Variants in PTPRA observed in about 807,000 individuals in gnomAD.
PTPRA encodes protein tyrosine phosphatase receptor type A.
PTPRA carries 25 observed loss-of-function variants against 104.8 expected under a neutral mutation model. The ratio of observed to expected loss-of-function variants is 0.24; its 90% CI spans 0.17 to 0.33. The LOEUF (loss-of-function observed/expected upper bound fraction) is 0.33, where lower values mean the gene tolerates loss of function less well. Among genes scored for constraint, PTPRA ranks in the 10% least tolerant of loss-of-function variants. The pLI is 1.00. For synonymous variants in PTPRA, 323 were observed against 368.9 expected (o/e 0.88, Z 1.43); for missense variants, 765 against 1,015.3 (o/e 0.75, Z 3.35).
At chr20:2,872,587 A>C (rs563420410), upstream of PTPRA, among the ~76,000 whole-genome samples, 1 of 152,294 alleles carries the variant, frequency 6.6e-6, no homozygotes, top group East Asian at 1.9e-4. The surrounding 1 kb of genome is among the most constrained non-coding windows in gnomAD (Gnocchi z 7.9). Context: ...GCCACCACCT[A>C]TCTCGACTGC....
intron 1 of PTPRA, among the ~76,000 whole-genome samples, chr20:2,917,641 GTT>G (rs1253777568): frequency 6.6e-6 from 1 of 152,144 alleles, no homozygotes; most frequent in African/African-American, 2.4e-5. Context: ...TAGCTGGAGA[GTT>G]TTAATAATTT....
chr20:2,955,608 G>C (rs1381221085), intron 3 of PTPRA: 1 of 984,250 alleles, frequency 1.0e-6, no homozygotes, highest in Non-Finnish European at 1.2e-6. Context: ...TGGTGTTCTA[G>C]GACTTCTTCA....
intron 9 of PTPRA, among the ~76,000 whole-genome samples, chr20:2,996,167 G>T (rs570138441): frequency 1.3e-5 from 2 of 152,338 alleles, no homozygotes; most frequent in African/African-American, 4.8e-5. Flanking sequence ...AAAACAAACA[G>T]AACTATTGAT....
At chr20:2,987,836 T>TA (rs2062971467) in intron 7 of PTPRA, 196 bp from the exon 8 acceptor site, 2 of 713,462 alleles carry the variant, frequency 2.8e-6, no homozygotes, top group Non-Finnish European at 5.2e-6. Context: ...GTGCCAAGGG[T>TA]AAACAGGAGT....
In PTPRA at chr20:2,884,812, GTTT is replaced by G. The variant is rs34457101; in HGVS notation, c.-129+11065_-129+11067del. Among the ~76,000 whole-genome samples, 448 of 127,012 alleles carry G rather than the reference GTTT, an allele frequency of 3.5e-3. 8 individuals carry two copies. In the East Asian group the frequency reaches 0.061, roughly 17 times the overall value. 83.3% of individuals were successfully genotyped at this position (127,012 alleles called of 152,430 possible). The stretch of plus-strand genomic sequence containing the variant: ...CTCTCTGGTTTTTTTTGTTTTTTTT[GTTT>G]TTTTTTTTTTTTGAGACGGAGTCTC... On this transcript the variant is annotated intron_variant, in intron 1 of 23. Coordinates refer to ENST00000399903, the MANE Select transcript of PTPRA (RefSeq NM_001385305.1).
chr20:3,017,767 C>CT (rs751447718), intron 12 of PTPRA, 49 bp from the exon 13 acceptor site: 28 of 1,529,608 alleles, frequency 1.8e-5, no homozygotes, highest in Non-Finnish European at 2.4e-5. Flanking sequence ...CTCCCAGCAT[C>CT]TTTCTTCTTG....
chr20:2,928,443 G>A (rs2060387510), intron 2 of PTPRA, among the ~76,000 whole-genome samples: 2 of 152,156 alleles, frequency 1.3e-5, no homozygotes, highest in African/African-American at 2.4e-5. Flanking sequence ...ATGTTGGAGT[G>A]ATGGTTTGGT....
At chr20:3,003,045 C>T (rs1055809285) in intron 9 of PTPRA, among the ~76,000 whole-genome samples, 1 of 152,126 alleles carries the variant, frequency 6.6e-6, no homozygotes, top group Non-Finnish European at 1.5e-5. Context: ...TCAGAGAGAC[C>T]CACCTGTAAT....
At chr20:2,879,693 A>G (rs1367144341) in intron 1 of PTPRA, among the ~76,000 whole-genome samples, 1 of 152,214 alleles carries the variant, frequency 6.6e-6, no homozygotes, top group Non-Finnish European at 1.5e-5. Context: ...CCATAAGATT[A>G]TAATCCATAA....
intron 9 of PTPRA, among the ~76,000 whole-genome samples, 195 bp from the exon 10 acceptor site, chr20:3,004,861 G>A (rs1432953486): frequency 2.6e-5 from 4 of 152,190 alleles, no homozygotes; most frequent in African/African-American, 9.6e-5. Context: ...TTGTGTTGTT[G>A]AACTCTAAGG....
intron 11 of PTPRA, among the ~76,000 whole-genome samples, chr20:3,012,222 T>TG (rs1364780586): frequency 6.6e-6 from 1 of 152,200 alleles, no homozygotes; most frequent in Non-Finnish European, 1.5e-5. Flanking sequence ...CAGGGAGTAG[T>TG]GTGACCACAT....
chr20:3,033,183 C>G lies in PTPRA; in HGVS notation c.1921-2402C>G, dbSNP rs529067738. 2.6e-5 allele frequency among the ~76,000 whole-genome samples: 4 copies of G among 151,996 alleles called. 1 individual carries two copies. The highest frequency in any genetic ancestry group is 5.9e-5 in the Non-Finnish European group (4 of 67,926). The stretch of plus-strand genomic sequence containing the variant: ...TGCCAGGGATCCTCAATCTGCGTCT[C>G]TAGGCCAGTCACCTGTCCCCCTTCC... On this transcript the variant is annotated intron_variant, in intron 20 of 23. Coordinates refer to ENST00000399903, the MANE Select transcript of PTPRA (RefSeq NM_001385305.1).
At chr20:2,899,866 G>A (rs2059161067) in intron 1 of PTPRA, among the ~76,000 whole-genome samples, 1 of 152,104 alleles carries the variant, frequency 6.6e-6, no homozygotes, top group African/African-American at 2.4e-5. Context: ...CAGCACTTTG[G>A]GAGGCCAAGG....
In PTPRA at chr20:3,027,910, C is replaced by T. The variant is rs940052066; in HGVS notation, c.1920+69C>T. 2.3e-5 allele frequency: 36 copies of T among 1,588,038 alleles called. No individual in the cohort carries two copies. The African/African-American group carries it at 4.3e-4, about 19-fold the overall frequency. On this transcript the variant is annotated intron_variant, in intron 20 of 23. Transcript: ENST00000399903. ...GAAAAGATGTGTGTGTAAATGGGGA[C>T]GTTGGGAAGGCAAGAAGGTGTTTGG...
chr20:2,974,501 A>G (rs2062339831), intron 5 of PTPRA, among the ~76,000 whole-genome samples: 2 of 150,520 alleles, frequency 1.3e-5, no homozygotes, highest in Non-Finnish European at 3.0e-5. Flanking sequence ...ATCTCGGCTC[A>G]CTGCAACCTC....
chr20:2,996,107 T>C (rs1294061110), intron 9 of PTPRA, among the ~76,000 whole-genome samples: 1 of 152,192 alleles, frequency 6.6e-6, no homozygotes, highest in Non-Finnish European at 1.5e-5. Context: ...CTAAATCAGT[T>C]AAGGTCCTCT....
At chr20:3,010,357 G>T (rs547917119) in intron 11 of PTPRA, among the ~76,000 whole-genome samples, 2 of 151,538 alleles carry the variant, frequency 1.3e-5, no homozygotes, top group African/African-American at 2.4e-5. Flanking sequence ...AGCCGGGTGC[G>T]GTGGCTCACG....
chr20:2,934,106 A>G lies in PTPRA; in HGVS notation c.-50+10821A>G, dbSNP rs139158050. Among the ~76,000 whole-genome samples the G allele has an allele frequency of 2.4e-4, 37 of 152,186 alleles. No individual in the cohort carries two copies. In the East Asian group the frequency reaches 6.8e-3, roughly 28 times the overall value. ...AGTTTCTAGTACTGTTTACTAAATA[A>G]TCTATGAAAATTTTCTGCGGATTCC... On this transcript the variant is annotated intron_variant, in intron 2 of 23. Coordinates refer to ENST00000399903, the MANE Select transcript of PTPRA (RefSeq NM_001385305.1).
chr20:2,931,007 G>A (rs946131897), intron 2 of PTPRA, among the ~76,000 whole-genome samples: 2 of 152,166 alleles, frequency 1.3e-5, no homozygotes, highest in African/African-American at 4.8e-5. Flanking sequence ...TTGGGGATGG[G>A]GTTGGAGAGA....
Sources: allele counts gnomAD v4.1 joint callset (sites outside exome capture counted in the v4.1 genomes callset), GRCh38; gene constraint gnomAD v4.1.1; non-coding constraint Gnocchi (gnomAD v3.1); transcripts MANE v1.5; gene names NCBI Gene and HGNC (gene_info 2026-07-23, HGNC 2026-07-21).